Variants in PPM1L observed in about 807,000 individuals in gnomAD.
PPM1L encodes protein phosphatase 1L.
In PPM1L, 13 loss-of-function variants were observed where a neutral mutation model predicts 31.4. The observed-to-expected ratio is 0.41, with a 90% CI of 0.27 to 0.66. The LOEUF is 0.66. Among genes scored for constraint, PPM1L ranks in the 30% least tolerant of loss-of-function variants. The pLI, the probability that PPM1L is intolerant of heterozygous loss-of-function variation, is 0.29. For synonymous variants in PPM1L, 184 were observed against 175.4 expected (o/e 1.05, Z -0.39); for missense variants, 326 against 453.7 (o/e 0.72, Z 2.56).
In PPM1L at chr3:160,964,752, T is replaced by G. The variant is rs1228082988; in HGVS notation, c.574+2842T>G. On this transcript the variant is annotated intron_variant, in intron 2 of 3. Coordinates refer to ENST00000498165, the MANE Select transcript of PPM1L (RefSeq NM_139245.4). ...TGCCTTTGCTCATCTCTGCATGAGG[T>G]GATGCAGGACAGTGGATGTGGGAGG... is the stretch of plus-strand genomic sequence containing the variant. Among the ~76,000 whole-genome samples the G allele has an allele frequency of 3.3e-5, 5 of 152,080 alleles. No homozygotes were observed. The East Asian group carries it at 9.7e-4, about 29-fold the overall frequency.
At chr3:160,938,264 C>A (rs1399189441) in intron 1 of PPM1L, among the ~76,000 whole-genome samples, 1 of 152,222 alleles carries the variant, frequency 6.6e-6, no homozygotes, top group Non-Finnish European at 1.5e-5. Context: ...TGGCGTCCTA[C>A]TACCAACTGA....
intron 1 of PPM1L, among the ~76,000 whole-genome samples, chr3:160,864,635 A>G (rs1477344611): frequency 6.6e-6 from 1 of 152,252 alleles, no homozygotes; most frequent in Non-Finnish European, 1.5e-5. Flanking sequence ...GTTTTTGAGC[A>G]TCTGTCATTC....
At chr3:160,758,697 G>A (rs1714882221) in intron 1 of PPM1L, among the ~76,000 whole-genome samples, 2 of 152,070 alleles carry the variant, frequency 1.3e-5, no homozygotes, top group South Asian at 4.1e-4. Flanking sequence ...GTATCTTGTG[G>A]TAAATGTACC....
intron 3 of PPM1L, among the ~76,000 whole-genome samples, chr3:161,066,043 C>T (rs1322646359): frequency 2.0e-5 from 3 of 152,216 alleles, no homozygotes; most frequent in South Asian, 2.1e-4. Flanking sequence ...GTGGATGCCC[C>T]TCTGCCTTTC....
intron 2 of PPM1L, among the ~76,000 whole-genome samples, chr3:161,058,711 T>C (rs994567451): frequency 6.6e-6 from 1 of 152,086 alleles, no homozygotes; most frequent in Admixed American, 6.6e-5. Flanking sequence ...CTCTGAATGT[T>C]TGAAAATCAA....
At position 161,075,803 on chromosome 3, in the gene PPM1L, C is replaced by A. The variant is rs1720079450; in HGVS notation, c.*6646C>A. 1 of 152,166 alleles carries A rather than the reference C, an allele frequency of 6.6e-6. No individual in the cohort carries two copies. Among genetic ancestry groups the A allele is most frequent in the East Asian group, 1.9e-4 (1 of 5,204 alleles). The allele number at this position is 152,166 out of a possible 1,614,324, so 9.4% of individuals were successfully genotyped here. ...ACATTGAAGTGAGAAAATGAACATT[C>A]TCAGTTATTTGCGAAGTTAGTAAAA... On this transcript the variant is annotated 3_prime_UTR_variant, in exon 4 of 4. Coordinates refer to ENST00000498165, the MANE Select transcript of PPM1L (RefSeq NM_139245.4).
intron 2 of PPM1L, among the ~76,000 whole-genome samples, chr3:161,028,865 T>G (rs537980558): frequency 1.4e-4 from 21 of 152,332 alleles, no homozygotes; most frequent in Non-Finnish European, 2.6e-4. Context: ...TTGTACTCCT[T>G]AACATGCAAC....
chr3:161,014,912 C>T (rs1193656912), intron 2 of PPM1L, among the ~76,000 whole-genome samples: 6 of 152,142 alleles, frequency 3.9e-5, no homozygotes, highest in Admixed American at 6.5e-5. Context: ...CCACCACTTA[C>T]GGTGCAAAAT....
At position 160,951,114 on chromosome 3, in the gene PPM1L, A is replaced by T. The variant is rs878955; in HGVS notation, c.400-10622A>T. 9.9e-5 allele frequency among the ~76,000 whole-genome samples: 15 copies of T among 152,024 alleles called. No individual in the cohort carries two copies. In the South Asian group the frequency reaches 3.1e-3, roughly 32 times the overall value. The stretch of plus-strand genomic sequence containing the variant: ...GCAGAAAAGACAGGAACTCACTCAT[A>T]ACAAAATTTAGCCAGATTGCTTTGG... On this transcript the variant is annotated intron_variant, in intron 1 of 3. Coordinates refer to ENST00000498165, the MANE Select transcript of PPM1L (RefSeq NM_139245.4).
chr3:161,021,345 T>C (rs1034245510), intron 2 of PPM1L, among the ~76,000 whole-genome samples: 15 of 152,078 alleles, frequency 9.9e-5, no homozygotes, highest in Admixed American at 9.2e-4. Flanking sequence ...TTTCCAAATT[T>C]ATTCTGCTAT....
intron 2 of PPM1L, among the ~76,000 whole-genome samples, chr3:161,053,860 A>G (rs949002451): frequency 1.3e-5 from 2 of 152,256 alleles, no homozygotes; most frequent in African/African-American, 2.4e-5. Context: ...TTTGTCATCA[A>G]GTTGACTGCC....
chr3:160,959,684 T>A (rs1715890485), intron 1 of PPM1L, among the ~76,000 whole-genome samples: 3 of 151,798 alleles, frequency 2.0e-5, no homozygotes, highest in South Asian at 2.1e-4. Context: ...ACAAAAAAAA[T>A]TAGCCGGGCA....
intron 1 of PPM1L, among the ~76,000 whole-genome samples, chr3:160,786,181 GTGTGTGTATA>G (rs1356796321): frequency 1.4e-5 from 1 of 69,466 alleles, no homozygotes; most frequent in African/African-American, 1.1e-4. Flanking sequence ...GTGTGTGTGT[GTGTGTGTATA>G]TATATATATA....
intron 2 of PPM1L, among the ~76,000 whole-genome samples, chr3:161,021,411 C>T (rs1437299989): frequency 6.6e-6 from 1 of 151,670 alleles, no homozygotes; most frequent in African/African-American, 2.4e-5. Flanking sequence ...TGTTTCTAAC[C>T]CTTTTAAATT....
In PPM1L at chr3:160,953,907, T is replaced by C. The variant is rs1328356081; in HGVS notation, c.400-7829T>C. ...CGCAGCATTGAAGGCATGTTTTTCT[T>C]TCCCATCTGTTGGGAAGCTTTGCTC... is the stretch of plus-strand genomic sequence containing the variant. On this transcript the variant is annotated intron_variant, in intron 1 of 3. Coordinates refer to ENST00000498165, the MANE Select transcript of PPM1L (RefSeq NM_139245.4). 2.0e-5 allele frequency among the ~76,000 whole-genome samples: 3 copies of C among 152,254 alleles called. No homozygotes were observed. In the East Asian group the frequency reaches 5.8e-4, roughly 29 times the overall value.
At chr3:160,938,992 A>G (rs1715070880) in intron 1 of PPM1L, among the ~76,000 whole-genome samples, 1 of 152,218 alleles carries the variant, frequency 6.6e-6, no homozygotes, top group South Asian at 2.1e-4. Flanking sequence ...GAACCCAAGG[A>G]CAGAGCAATG....
At chr3:161,068,729 C>T (rs867013542) in intron 3 of PPM1L, 82 bp from the exon 4 acceptor site, 4 of 1,164,732 alleles carry the variant, frequency 3.4e-6, no homozygotes, top group Middle Eastern at 2.1e-4. Flanking sequence ...AAGTAGGTCA[C>T]CCTGTTGCGC....
intron 1 of PPM1L, among the ~76,000 whole-genome samples, chr3:160,827,477 GTGTGTGTA>G (rs1284519813): frequency 6.6e-6 from 1 of 150,738 alleles, no homozygotes; most frequent in Admixed American, 6.6e-5. Context: ...GTGTGTGTGT[GTGTGTGTA>G]TGTATGTGTG....
intron 1 of PPM1L, among the ~76,000 whole-genome samples, chr3:160,800,169 T>C (rs1712381088): frequency 6.6e-6 from 1 of 152,226 alleles, no homozygotes; most frequent in South Asian, 2.1e-4. Context: ...TATTATTCAA[T>C]TTAGAGGTGA....
Sources: gnomAD v4.1 joint callset for allele counts (sites outside exome capture counted in the v4.1 genomes callset) on GRCh38, gnomAD v4.1.1 for gene constraint, MANE v1.5 for transcripts, NCBI Gene and HGNC (gene_info 2026-07-23, HGNC 2026-07-21) for gene names.